C8orf34: variants seen among roughly 807,000 people sequenced by gnomAD.
C8orf34 encodes uncharacterized protein C8orf34.
In C8orf34, 65 loss-of-function variants were observed where a neutral mutation model predicts 68.3. The ratio of observed to expected loss-of-function variants is 0.95; its 90% CI spans 0.78 to 1.17. The LOEUF is 1.17. C8orf34 is among the 50% of genes most tolerant of loss of function. The pLI is 0.00. For missense variants in C8orf34, 664 were observed against 655.4 expected (o/e 1.01, Z -0.14); for synonymous variants, 244 against 241.2 (o/e 1.01, Z -0.11).
At chr8:68,618,563 G>T (rs546073726) in intron 7 of C8orf34, among the ~76,000 whole-genome samples, 1,732 of 151,268 alleles carry the variant, frequency 0.011, 48 homozygotes, top group African/African-American at 0.039. Flanking sequence ...TTGCTCAGGT[G>T]GTCTGAAACT....
intron 8 of C8orf34, among the ~76,000 whole-genome samples, chr8:68,642,013 T>C (rs1251633505): frequency 6.6e-6 from 1 of 152,240 alleles, no homozygotes; most frequent in African/African-American, 2.4e-5. Context: ...TAATTACTAT[T>C]ACTATCCCCA....
At chr8:68,553,854 G>A (rs1322831641) in intron 7 of C8orf34, among the ~76,000 whole-genome samples, 4 of 143,172 alleles carry the variant, frequency 2.8e-5, no homozygotes, top group Non-Finnish European at 6.0e-5. Context: ...TAATAAATAT[G>A]TTTATTCTAT....
At chr8:68,539,606 C>A (rs1417784492) in intron 7 of C8orf34, among the ~76,000 whole-genome samples, 4 of 152,100 alleles carry the variant, frequency 2.6e-5, no homozygotes. Context: ...AATCCCAGCA[C>A]TTTGGGAGGC....
intron 12 of C8orf34, among the ~76,000 whole-genome samples, chr8:68,810,360 C>T (rs1248509278): frequency 6.6e-6 from 1 of 152,234 alleles, no homozygotes; most frequent in Non-Finnish European, 1.5e-5. Flanking sequence ...CAAGCAGCTT[C>T]TGCTGCTGGC....
chr8:68,599,795 C>A (rs574394500), intron 7 of C8orf34, among the ~76,000 whole-genome samples: 1 of 151,788 alleles, frequency 6.6e-6, no homozygotes, highest in Non-Finnish European at 1.5e-5. Flanking sequence ...TGAAAATCAT[C>A]AAAATTAAAG....
At chr8:68,794,855 A>G (rs1182260481) in intron 12 of C8orf34, among the ~76,000 whole-genome samples, 2 of 152,086 alleles carry the variant, frequency 1.3e-5, no homozygotes, top group Non-Finnish European at 2.9e-5. Flanking sequence ...AAAATCTGAA[A>G]TCAGCATTTC....
chr8:68,534,009 A>G (rs1054005788), intron 7 of C8orf34: 6 of 951,272 alleles, frequency 6.3e-6, no homozygotes, highest in East Asian at 1.2e-4. Context: ...CGTTTTACAT[A>G]TAGAATATGG....
intron 8 of C8orf34, among the ~76,000 whole-genome samples, chr8:68,689,623 C>A (rs1299046811): frequency 1.3e-5 from 2 of 151,838 alleles, no homozygotes; most frequent in African/African-American, 4.8e-5. Context: ...GAATACTATG[C>A]AATTTTTAAA....
At chr8:68,741,255 A>G (rs988696957) in intron 10 of C8orf34, among the ~76,000 whole-genome samples, 42 of 152,186 alleles carry the variant, frequency 2.8e-4, no homozygotes, top group African/African-American at 9.9e-4. Context: ...TTCTTCCGAC[A>G]TTCATATTAC....
At chr8:68,516,362 A>G (rs1192981934) in intron 5 of C8orf34, among the ~76,000 whole-genome samples, 2 of 152,214 alleles carry the variant, frequency 1.3e-5, no homozygotes, top group Non-Finnish European at 2.9e-5. Flanking sequence ...AAAGGAGTTT[A>G]AGATATGATC....
At chr8:68,723,820 C>A (rs938772931) in intron 10 of C8orf34, among the ~76,000 whole-genome samples, 1 of 152,062 alleles carries the variant, frequency 6.6e-6, no homozygotes, top group Admixed American at 6.6e-5. Context: ...AAGAAATTAG[C>A]TTTATTTGAC....
chr8:68,440,867 T>C (rs1451935454), intron 2 of C8orf34, among the ~76,000 whole-genome samples: 3 of 151,398 alleles, frequency 2.0e-5, no homozygotes, highest in Non-Finnish European at 2.9e-5. Flanking sequence ...TGCAGTGGCC[T>C]GATCTCTGCT....
In C8orf34 at chr8:68,677,931, G is replaced by A. The variant is rs113989701; in HGVS notation, c.1242-31063G>A. The stretch of plus-strand genomic sequence containing the variant: ...CAACCAATATTGCAGAAATTCAAAG[G>A]ATTATTAGAGGCTACTAAGAGAAAC... On this transcript the variant is annotated intron_variant, in intron 8 of 13. Transcript: ENST00000518698. 1.6e-3 allele frequency among the ~76,000 whole-genome samples: 247 copies of A among 152,198 alleles called. 1 individual carries two copies. The highest frequency in any genetic ancestry group is 5.8e-3 in the African/African-American group (240 of 41,522).
At chr8:68,471,439 A>G (rs890141641) in intron 4 of C8orf34, among the ~76,000 whole-genome samples, 1 of 152,154 alleles carries the variant, frequency 6.6e-6, no homozygotes, top group Non-Finnish European at 1.5e-5. Context: ...ATGCAGCTTT[A>G]CTGTTTGCTG....
intron 1 of C8orf34, among the ~76,000 whole-genome samples, chr8:68,379,152 A>T (rs1438582642): frequency 6.6e-6 from 1 of 152,238 alleles, no homozygotes; most frequent in Non-Finnish European, 1.5e-5. Flanking sequence ...AATTAATTAC[A>T]ATTGGACATG....
chr8:68,662,613 G>C (rs1819715374), intron 8 of C8orf34, among the ~76,000 whole-genome samples: 3 of 152,158 alleles, frequency 2.0e-5, no homozygotes, highest in African/African-American at 7.2e-5. Flanking sequence ...TGATTGTGCA[G>C]CCTCTCCAGC....
chr8:68,488,464 G>A (rs1296137558), intron 5 of C8orf34, among the ~76,000 whole-genome samples: 2 of 151,948 alleles, frequency 1.3e-5, no homozygotes, highest in South Asian at 2.1e-4. Context: ...TTAATTTTCC[G>A]AGATGCCAAG....
chr8:68,340,189 A>G (rs76759090), intron 1 of C8orf34, among the ~76,000 whole-genome samples: 3,438 of 152,214 alleles, frequency 0.023, 58 homozygotes, highest in African/African-American at 0.043. Context: ...CCACTTTGGA[A>G]AAAAGTTTGG....
intron 7 of C8orf34, among the ~76,000 whole-genome samples, chr8:68,616,371 A>G (rs1264197689): frequency 6.6e-6 from 1 of 151,786 alleles, no homozygotes; most frequent in African/African-American, 2.4e-5. Flanking sequence ...TAGTCTTTTA[A>G]TTGTGATGTT....
Sources: allele counts gnomAD v4.1 joint callset (sites outside exome capture counted in the v4.1 genomes callset), GRCh38; gene constraint gnomAD v4.1.1; transcripts MANE v1.5; gene names NCBI Gene and HGNC (gene_info 2026-07-23, HGNC 2026-07-21).